Variants in WDR27 observed in about 807,000 individuals in gnomAD.
The protein encoded by WDR27 is WD repeat-containing protein 27.
In WDR27, 100 loss-of-function variants were observed where a neutral mutation model predicts 114.4. That is an observed-to-expected ratio of 0.87 (90% CI 0.74 to 1.03). The LOEUF (loss-of-function observed/expected upper bound fraction) is 1.03, where lower values mean the gene tolerates loss of function less well. Among genes scored for constraint, WDR27 ranks in the 50% least tolerant of loss-of-function variants. The pLI, the probability that WDR27 is intolerant of heterozygous loss-of-function variation, is 0.00. For missense variants in WDR27, 1,129 were observed against 1,092.9 expected (o/e 1.03, Z -0.47); for synonymous variants, 449 against 423.1 (o/e 1.06, Z -0.75).
At chr6:169,654,440 A>G (rs1484963287) in intron 13 of WDR27, among the ~76,000 whole-genome samples, 1 of 152,228 alleles carries the variant, frequency 6.6e-6, no homozygotes, top group African/African-American at 2.4e-5. Flanking sequence ...TAGGCTTATG[A>G]CAGTAAAGCG....
chr6:169,434,483 C>A, the WDR27 span, among the ~76,000 whole-genome samples: 4 of 152,136 alleles, frequency 2.6e-5, no homozygotes, highest in South Asian at 4.1e-4. Flanking sequence ...GTTACTGTAG[C>A]CTTGTAGTAT....
intron 3 of WDR27, chr6:169,671,721 C>T: frequency 6.6e-6 from 1 of 152,668 alleles, no homozygotes; most frequent in Non-Finnish European, 1.5e-5. Flanking sequence ...GGCTCCCATG[C>T]ATGTGCACGC....
Position 169,632,977 on chromosome 6 carries a change from T to A in WDR27, c.2193A>T (p.Ser731=), listed in dbSNP as rs1355641845. Residue 731 remains serine (S), a synonymous_variant, in exon 21 of 26, where the codon TCA becomes TCT. Transcript: ENST00000448612. ...TTTGGCAGATTTGATGGACAGGCCG[T>A]GAGTGGGCTTCCGCTATCACCGCTG... ...CSAAVIAEAH[S]RPVHQICQNK... The A allele has an allele frequency of 1.6e-5, 25 of 1,594,494 alleles. No homozygotes were observed. Among genetic ancestry groups the A allele is most frequent in the Non-Finnish European group, 2.1e-5 (24 of 1,164,542 alleles).
rs878901403 is a variant in WDR27, at chr6:169,660,875, G to C, written c.1026-109C>G. ...TGAGCTCTCCGCAGGAGTGGGGAGT[G>C]TGGGCGTTGGGCCCCACGTGCGCCC... On this transcript the variant is annotated intron_variant, in intron 9 of 25. Coordinates refer to ENST00000448612, the MANE Select transcript of WDR27 (RefSeq NM_182552.5). 3.5e-6 allele frequency: 3 copies of C among 868,498 alleles called. No individual in the cohort carries two copies. In the East Asian group the frequency reaches 9.4e-5, roughly 27 times the overall value. The allele number at this position is 868,498 out of a possible 1,614,324, so 53.8% of individuals were successfully genotyped here. A position where few individuals can be genotyped will look rare whatever the true frequency, so the allele number is the denominator to read the frequency against.
intron 25 of WDR27, among the ~76,000 whole-genome samples, chr6:169,506,633 T>G (rs1045056323): frequency 6.6e-6 from 1 of 152,202 alleles, no homozygotes; most frequent in African/African-American, 2.4e-5. Context: ...AAAAACATGG[T>G]CATTACAGAT....
intron 1 of WDR27, among the ~76,000 whole-genome samples, chr6:169,700,300 CAA>C (rs1371145676): frequency 2.0e-5 from 3 of 152,212 alleles, no homozygotes; most frequent in Non-Finnish European, 4.4e-5. Flanking sequence ...GGCACCTTGA[CAA>C]AGTGTCCCCC....
chr6:169,474,590 A>T (rs1456815265), intron 25 of WDR27, among the ~76,000 whole-genome samples: 1 of 152,216 alleles, frequency 6.6e-6, no homozygotes, highest in Non-Finnish European at 1.5e-5. Flanking sequence ...TCCAGAGTGT[A>T]ACTCATAGAG....
At chr6:169,564,057 C>T (rs553196762) in intron 25 of WDR27, among the ~76,000 whole-genome samples, 2 of 152,344 alleles carry the variant, frequency 1.3e-5, no homozygotes, top group Non-Finnish European at 2.9e-5. Flanking sequence ...GGAAGCCAGA[C>T]CAAGTCCCAA....
At chr6:169,433,992 T>C in the WDR27 span, among the ~76,000 whole-genome samples, 3 of 152,238 alleles carry the variant, frequency 2.0e-5, no homozygotes, top group Non-Finnish European at 4.4e-5. Flanking sequence ...TATTAGCCCT[T>C]TGTCAGATGG....
chr6:169,527,560 C>T (rs1458795988), intron 25 of WDR27, among the ~76,000 whole-genome samples: 1 of 152,000 alleles, frequency 6.6e-6, no homozygotes, highest in Non-Finnish European at 1.5e-5. Flanking sequence ...GTAATGGTTG[C>T]ACAATATATG....
chr6:169,580,171 C>A (rs1277672460), intron 24 of WDR27, among the ~76,000 whole-genome samples: 1 of 152,186 alleles, frequency 6.6e-6, no homozygotes, highest in Non-Finnish European at 1.5e-5. Context: ...ATATCATAAA[C>A]AAAATAAACC....
chr6:169,439,145 T>G, the WDR27 span, among the ~76,000 whole-genome samples: 2 of 152,162 alleles, frequency 1.3e-5, no homozygotes, highest in Admixed American at 6.5e-5. Flanking sequence ...TTCGATGGGT[T>G]GTATAAAGGC....
chr6:169,461,776 TAAAC>T (rs781733628), intron 25 of WDR27, among the ~76,000 whole-genome samples: 1 of 144,432 alleles, frequency 6.9e-6, no homozygotes, highest in Non-Finnish European at 1.5e-5. Flanking sequence ...AGAGCAAAAA[TAAAC>T]AAAATGGAGA....
intron 23 of WDR27, among the ~76,000 whole-genome samples, chr6:169,592,999 G>A (rs905641250): frequency 1.3e-5 from 2 of 152,068 alleles, no homozygotes; most frequent in East Asian, 1.9e-4. Flanking sequence ...TGCATTCTAC[G>A]CATAAACCCC....
At position 169,659,172 on chromosome 6, in the gene WDR27, C is replaced by T. The variant is rs760434358; in HGVS notation, c.1233G>A (p.Lys411=). The T allele has an allele frequency of 3.1e-6, 5 of 1,611,256 alleles. No individual in the cohort carries two copies. The highest frequency in any genetic ancestry group is 4.2e-6 in the Non-Finnish European group (5 of 1,178,584). ...LCLLASLFGG[K]IAVLEINPAA... Reference sequence around the variant, plus strand: ...CCGGGTTGATCTCCAACACGGCAATCTTCCCGCCAAAGAGGGAGGCCAGCA... The same window carrying T: ...CCGGGTTGATCTCCAACACGGCAATTTTCCCGCCAAAGAGGGAGGCCAGCA... The change falls in exon 12 of 26, where the codon AAG becomes AAA. Residue 411 remains lysine (K), a synonymous_variant. Transcript: ENST00000448612. This position sits in a 1 kb window ranked among gnomAD's most constrained non-coding sequence, Gnocchi z 4.3.
At chr6:169,519,521 G>A (rs2865094) in intron 25 of WDR27, among the ~76,000 whole-genome samples, 3,117 of 152,056 alleles carry the variant, frequency 0.02, 68 homozygotes, top group East Asian at 0.081. Context: ...GAGAGAATGG[G>A]GGGTGGGAAG....
At position 169,529,318 on chromosome 6, in the gene WDR27, G is replaced by GC. The variant is rs35399395; in HGVS notation, c.2645+43100_2645+43101insG. On this transcript the variant is annotated intron_variant, in intron 25 of 25. Coordinates refer to ENST00000448612, the MANE Select transcript of WDR27 (RefSeq NM_182552.5). ...TTAACGGTGGTGACCTCTGCGGGGG[G>GC]GGGGGGCAGCTAATGCTAATAAGCT... Among the ~76,000 whole-genome samples the GC allele has an allele frequency of 1.0e-4, 15 of 143,616 alleles. 2 individuals are homozygous for GC. Among genetic ancestry groups the GC allele is most frequent in the South Asian group, 4.9e-4 (2 of 4,074 alleles). 94.2% of individuals were successfully genotyped at this position (143,616 alleles called of 152,430 possible). A position where few individuals can be genotyped will look rare whatever the true frequency, so the allele number is the denominator to read the frequency against.
chr6:169,672,372 G>A lies in WDR27; in HGVS notation c.214C>T (p.Gln72Ter). Reference protein sequence around the residue: ...HQLLILRGHHQPITAMAFGNK... With the variant: ...HQLLILRGHH Reference sequence around the variant, plus strand: ...CCAAAAGCCATAGCAGTAATTGGCTGATGGTGTCCTCGTAGGATTAGAAGC... The same window carrying A: ...CCAAAAGCCATAGCAGTAATTGGCTAATGGTGTCCTCGTAGGATTAGAAGC... The change falls in exon 3 of 26, where the codon CAG (glutamine) becomes TAG (stop). Residue 72 changes from glutamine to a stop codon, truncating the protein, a stop_gained. Coordinates refer to ENST00000448612, the MANE Select transcript of WDR27 (RefSeq NM_182552.5). LOFTEE classifies it high-confidence loss of function. 1 of 1,609,374 alleles carries A rather than the reference G, an allele frequency of 6.2e-7. No homozygotes were observed. The highest frequency in any genetic ancestry group is 1.1e-5 in the South Asian group (1 of 90,236).
At chr6:169,502,767 G>A (rs1791500331) in intron 25 of WDR27, among the ~76,000 whole-genome samples, 1 of 152,090 alleles carries the variant, frequency 6.6e-6, no homozygotes, top group African/African-American at 2.4e-5. Flanking sequence ...CAGCCTCAGT[G>A]CCATCTTCAA....
Sources: allele counts gnomAD v4.1 joint callset (sites outside exome capture counted in the v4.1 genomes callset), GRCh38; gene constraint gnomAD v4.1.1; non-coding constraint Gnocchi (gnomAD v3.1); transcripts MANE v1.5; gene names NCBI Gene and HGNC (gene_info 2026-07-23, HGNC 2026-07-21).